THOC2: variants seen among roughly 807,000 people sequenced by gnomAD.
The protein encoded by THOC2 is THO complex 2.
THOC2 carries 10 observed loss-of-function variants against 128.4 expected under a neutral mutation model. The ratio of observed to expected loss-of-function variants is 0.08; its 90% CI spans 0.05 to 0.13. The LOEUF is 0.13. Among genes scored for constraint, THOC2 ranks in the 10% least tolerant of loss-of-function variants. The pLI is 1.00. For synonymous variants in THOC2, 393 were observed against 396.9 expected, an observed-to-expected ratio of 0.99 and a Z score of 0.12; for missense variants, 535 against 1,155.7, an observed-to-expected ratio of 0.46 and a Z score of 7.79.
At chrX:123,708,998 T>C (rs890679658) in intron 2 of THOC2, among the ~76,000 whole-genome samples, 15 of 111,837 alleles carry the variant, frequency 1.3e-4, no homozygotes, top group Admixed American at 8.5e-4. Context: ...CCACCCGCTT[T>C]GGCCTCCCAA....
rs778237970 is a variant in THOC2 at position 123,638,030 on chromosome X, T to C, written c.1921+13A>G. On this transcript the variant is annotated intron_variant, in intron 18 of 38. Transcript: ENST00000245838. Reference sequence around the variant, plus strand: ...GATAGTAATTTCATCTTTGGAAAAATAAAAATACTTACTCTGAAGCCAGCT... The same window carrying C: ...GATAGTAATTTCATCTTTGGAAAAACAAAAATACTTACTCTGAAGCCAGCT... 7.1e-5 allele frequency: 82 copies of C among 1,156,750 alleles called. 1 individual carries two copies. The South Asian group carries it at 1.5e-3, about 22-fold the overall frequency.
At chrX:123,618,763 T>A (rs2046982436) in intron 33 of THOC2, among the ~76,000 whole-genome samples, 1 of 111,773 alleles carries the variant, frequency 8.9e-6, no homozygotes, top group Non-Finnish European at 1.9e-5. Flanking sequence ...TGCACACTAC[T>A]TTTAGTAGCA....
In THOC2 at chrX:123,644,839, C is replaced by A; in HGVS notation, c.1499G>T (p.Cys500Phe). 1 of 1,201,399 alleles carries A rather than the reference C, an allele frequency of 8.3e-7. No homozygotes were observed. Among genetic ancestry groups the A allele is most frequent in the Non-Finnish European group, 1.1e-6 (1 of 886,490 alleles). Reference protein sequence around the residue: ...VLLPSLSLMDCNACMSEELWG... With the variant: ...VLLPSLSLMDFNACMSEELWG... Reference sequence around the variant, plus strand: ...TAGTTCCTCAGACATACAAGCATTGCAGTCCATCAAAGAAAGAGATGGAAG... The same window carrying A: ...TAGTTCCTCAGACATACAAGCATTGAAGTCCATCAAAGAAAGAGATGGAAG... Residue 500 changes from cysteine (C) to phenylalanine (F), a missense_variant, in exon 14 of 39, where the codon TGC becomes TTC. Cys to Phe is a radical substitution (Grantham distance 205). Around this residue, in one of 9 missense-constraint regions of THOC2, gnomAD observed 197 missense variants for 313.4 expected, o/e 0.63. Transcript: ENST00000245838.
chrX:123,617,301 A>G (rs1006605686), intron 33 of THOC2, among the ~76,000 whole-genome samples: 4 of 111,184 alleles, frequency 3.6e-5, no homozygotes, highest in African/African-American at 1.3e-4. Flanking sequence ...GGAGTCACAC[A>G]GTTTTTAGAA....
rs752928428 is a variant in THOC2 at position 123,614,015 on chromosome X, G to A, written c.4449+37C>T. On this transcript the variant is annotated intron_variant, in intron 34 of 38. Transcript: ENST00000245838. ...CATACACACTGGTGTACATGATAAT[G>A]AGCTTTCCAAACTAGTTTAAAAAAA... 1.8e-5 allele frequency: 21 copies of A among 1,170,572 alleles called. No individual in the cohort carries two copies. The East Asian group carries it at 4.2e-4, about 23-fold the overall frequency.
intron 7 of THOC2, among the ~76,000 whole-genome samples, chrX:123,694,882 C>A (rs1387606000): frequency 8.9e-6 from 1 of 112,212 alleles, no homozygotes; most frequent in Non-Finnish European, 1.9e-5. Context: ...AATCCCAGTA[C>A]TTTGGGAGGC....
intron 12 of THOC2, among the ~76,000 whole-genome samples, chrX:123,655,599 GAC>G (rs908666149): frequency 9.0e-6 from 1 of 111,410 alleles, no homozygotes; most frequent in African/African-American, 3.3e-5. Context: ...TTGCAGGCAT[GAC>G]ACGTTTCTCA....
intron 21 of THOC2, among the ~76,000 whole-genome samples, chrX:123,632,651 T>C (rs1030178766): frequency 9.0e-6 from 1 of 111,443 alleles, no homozygotes; most frequent in South Asian, 3.8e-4. Flanking sequence ...ATTTAATTAA[T>C]TGACAGCCTT....
intron 11 of THOC2, 81 bp from the exon 12 acceptor site, chrX:123,665,918 A>G (rs1372965627): frequency 9.2e-6 from 5 of 545,111 alleles, no homozygotes; most frequent in Admixed American, 1.2e-4. Context: ...ACACTACAAT[A>G]TCTACCATTT....
rs1037247190 is a variant in THOC2, at chrX:123,628,061, T to C, written c.2482-93A>G. On this transcript the variant is annotated intron_variant, in intron 22 of 38. Transcript: ENST00000245838. ...TGGCATAAAAATCTATATTCCCTTC[T>C]AAAGAATCAAAAGATGACCAATCTC... 5.6e-6 allele frequency: 4 copies of C among 715,733 alleles called. No homozygotes were observed. In the African/African-American group the frequency reaches 8.6e-5, roughly 15 times the overall value. The allele number at this position is 715,733 out of a possible 1,213,427, so 59.0% of individuals were successfully genotyped here.
chrX:123,724,522 T>C (rs531364581), intron 1 of THOC2, among the ~76,000 whole-genome samples: 1 of 108,156 alleles, frequency 9.2e-6, no homozygotes, highest in South Asian at 4.0e-4. Flanking sequence ...TCGTCTCCAC[T>C]AAAAATACAA....
intron 4 of THOC2, among the ~76,000 whole-genome samples, chrX:123,701,105 C>T (rs945235488): frequency 5.4e-5 from 6 of 111,490 alleles, no homozygotes; most frequent in Non-Finnish European, 9.4e-5. Context: ...ATAATCCCAG[C>T]ACTGTGGGAG....
In THOC2 at chrX:123,671,722, C is replaced by T; in HGVS notation, c.808G>A (p.Ala270Thr). Residue 270 changes from alanine to threonine, a missense_variant, in exon 9 of 39, where the codon GCA becomes ACA. Physicochemically the swap from Ala to Thr is moderately conservative, Grantham distance 58 (BLOSUM62 0). Around this residue, in one of 9 missense-constraint regions of THOC2, gnomAD observed 197 missense variants for 313.4 expected, o/e 0.63. Coordinates refer to ENST00000245838, the MANE Select transcript of THOC2 (RefSeq NM_001081550.2). ...GETPSSLYRV[A>T]AVLLQFNLID... is the part of the protein sequence containing the mutation. ...AGATTAAATTGTAGAAGTACTGCTG[C>T]AACTCTGTATAAAGATGATGGTGTC... 1 of 1,186,539 alleles carries T rather than the reference C, an allele frequency of 8.4e-7. No individual in the cohort carries two copies. The highest frequency in any genetic ancestry group is 1.8e-5 in the African/African-American group (1 of 57,097).
chrX:123,723,104 G>A (rs1295473985), intron 1 of THOC2, among the ~76,000 whole-genome samples: 3 of 110,480 alleles, frequency 2.7e-5, no homozygotes, highest in African/African-American at 6.6e-5. Context: ...GCTTGAACTC[G>A]GGAGGCAGAG....
At chrX:123,624,773 T>C in intron 25 of THOC2, 104 bp from the exon 26 acceptor site, 1 of 769,841 alleles carries the variant, frequency 1.3e-6, no homozygotes, top group Non-Finnish European at 1.8e-6. Flanking sequence ...CAGGTAAGCC[T>C]AGTCAAAATG....
chrX:123,654,238 C>A (rs1328821721), intron 12 of THOC2, among the ~76,000 whole-genome samples: 1 of 109,243 alleles, frequency 9.2e-6, no homozygotes, highest in Non-Finnish European at 1.9e-5. Flanking sequence ...GGGAACATCA[C>A]ACACAGGGGT....
intron 38 of THOC2, among the ~76,000 whole-genome samples, chrX:123,609,089 T>C (rs1246797442): frequency 1.8e-5 from 2 of 112,128 alleles, no homozygotes; most frequent in South Asian, 3.7e-4. Flanking sequence ...ACTGTGAAAG[T>C]TGTCAGTGAC....
intron 33 of THOC2, among the ~76,000 whole-genome samples, chrX:123,617,453 G>C (rs2046938799): frequency 9.0e-6 from 1 of 111,211 alleles, no homozygotes; most frequent in Non-Finnish European, 1.9e-5. Flanking sequence ...AAAAACCAAG[G>C]CAAGCACACT....
chrX:123,704,139 G>A (rs1388059846), intron 3 of THOC2, among the ~76,000 whole-genome samples: 1 of 111,212 alleles, frequency 9.0e-6, no homozygotes, highest in Non-Finnish European at 1.9e-5. Flanking sequence ...TTTTTCCAAA[G>A]AAGTTTCGTT....
Sources: allele counts gnomAD v4.1 joint callset (sites outside exome capture counted in the v4.1 genomes callset), GRCh38; gene constraint gnomAD v4.1.1; regional missense constraint gnomAD v4.1.1; transcripts MANE v1.5; gene names NCBI Gene and HGNC (gene_info 2026-07-23, HGNC 2026-07-21).